STARD13: variants seen among roughly 807,000 people sequenced by gnomAD.
STARD13 encodes the protein StAR related lipid transfer domain containing 13.
A neutral mutation model predicts 106.4 loss-of-function variants in STARD13; 62 were observed. The observed-to-expected ratio is 0.58, with a 90% CI of 0.48 to 0.72. STARD13 has a LOEUF of 0.72. STARD13 is among the 30% of genes least tolerant of loss of function. The probability of loss-of-function intolerance (pLI) is 0.00; values close to 1 mark genes in which losing one functional copy is unlikely to be tolerated. For synonymous variants in STARD13, 565 were observed against 553.0 expected (o/e 1.02, Z -0.31); for missense variants, 1,387 against 1,424.0 (o/e 0.97, Z 0.42).
At chr13:33,639,418 A>G in the STARD13 span, among the ~76,000 whole-genome samples, 1 of 152,176 alleles carries the variant, frequency 6.6e-6, no homozygotes, top group Non-Finnish European at 1.5e-5. Context: ...TGTGAAGTTT[A>G]TTGTCTGCAG....
chr13:33,657,473 T>C, the STARD13 span: 3 of 152,034 alleles, frequency 2.0e-5, no homozygotes, highest in Non-Finnish European at 4.4e-5. Flanking sequence ...GCACAGGAGG[T>C]ATTACAGGCA....
chr13:33,475,170 G>T, the STARD13 span, among the ~76,000 whole-genome samples: 1 of 152,050 alleles, frequency 6.6e-6, no homozygotes, highest in African/African-American at 2.4e-5. Context: ...ACTGTGGAAT[G>T]GTTTTCATCT....
intron 4 of STARD13, among the ~76,000 whole-genome samples, chr13:33,141,222 G>A (rs1879784298): frequency 6.6e-6 from 1 of 152,228 alleles, no homozygotes; most frequent in South Asian, 2.1e-4. Flanking sequence ...AGGCTGTACA[G>A]CACTTTGGCT....
intron 4 of STARD13, among the ~76,000 whole-genome samples, chr13:33,133,720 T>C (rs1376751526): frequency 6.6e-6 from 1 of 152,190 alleles, no homozygotes; most frequent in African/African-American, 2.4e-5. Flanking sequence ...CTTTTTAATC[T>C]AGTTTAGCCT....
chr13:33,528,169 T>TTATATATATATATA, the STARD13 span, among the ~76,000 whole-genome samples: 12 of 129,050 alleles, frequency 9.3e-5, no homozygotes, highest in African/African-American at 3.5e-4. Flanking sequence ...TAAGCTAATA[T>TTATATATATATATA]TATATATATA....
chr13:33,618,881 A>G, the STARD13 span, among the ~76,000 whole-genome samples: 1 of 151,998 alleles, frequency 6.6e-6, no homozygotes, highest in East Asian at 1.9e-4. Context: ...CTCTCAGGGC[A>G]GGGTACTGAA....
At chr13:33,347,218 C>T (rs1248574796), downstream of STARD13, among the ~76,000 whole-genome samples, 1 of 152,066 alleles carries the variant, frequency 6.6e-6, no homozygotes, top group Non-Finnish European at 1.5e-5. Context: ...GCTTACAATG[C>T]CGTGTTTTTA....
rs1246534305 is a variant in STARD13, at chr13:33,285,384, C to A, written c.169+86G>T. On this transcript the variant is annotated intron_variant, in intron 1 of 13. Transcript: ENST00000336934. Reference sequence around the variant, plus strand: ...AAATCCATATGTTATAAAGTGGAAACAAACAAACAAAAAAAACTGGGTTAG... The same window carrying A: ...AAATCCATATGTTATAAAGTGGAAAAAAACAAACAAAAAAAACTGGGTTAG... 2.8e-6 allele frequency: 4 copies of A among 1,407,940 alleles called. No homozygotes were observed. In the African/African-American group the frequency reaches 5.8e-5, roughly 20 times the overall value. 87.2% of individuals were successfully genotyped at this position (1,407,940 alleles called of 1,614,324 possible). A position where few individuals can be genotyped will look rare whatever the true frequency, so the allele number is the denominator to read the frequency against.
chr13:33,408,322 C>G, the STARD13 span, among the ~76,000 whole-genome samples: 1 of 152,102 alleles, frequency 6.6e-6, no homozygotes, highest in East Asian at 1.9e-4. Flanking sequence ...TTCCTCTCCC[C>G]TCCAGCCCCT....
At chr13:33,449,421 G>A in the STARD13 span, among the ~76,000 whole-genome samples, 3 of 152,084 alleles carry the variant, frequency 2.0e-5, no homozygotes, top group Non-Finnish European at 4.4e-5. Flanking sequence ...GTAGATCCAT[G>A]GATTTATTTC....
chr13:33,431,387 A>G, the STARD13 span, among the ~76,000 whole-genome samples: 1 of 152,302 alleles, frequency 6.6e-6, no homozygotes, highest in South Asian at 2.1e-4. Context: ...GCTAAATAAA[A>G]TGTTATTAAA....
chr13:33,117,858 A>G, intron 8 of STARD13: 2 of 985,360 alleles, frequency 2.0e-6, no homozygotes, highest in Non-Finnish European at 2.4e-6. Context: ...GATGTCAAAA[A>G]GGTATTTTCA....
Position 33,127,530 on chromosome 13 carries a change from T to C in STARD13, c.1765A>G (p.Ser589Gly). The change falls in exon 6 of 14, where the codon AGT becomes GGT. Residue 589 changes from serine to glycine, a missense_variant. Ser to Gly is a moderately conservative substitution (Grantham distance 56). Coordinates refer to ENST00000336934, the MANE Select transcript of STARD13 (RefSeq NM_178006.4). Reference protein sequence around the residue: ...TRPNRRLRWNSFQLSHQPRPA... With the variant: ...TRPNRRLRWNGFQLSHQPRPA... ...CGGGGCTGGTGCGACAGCTGGAAACTGTTCCATCGGAGTCGCCTTTACCAG... is the reference window on the plus strand; with the variant it reads ...CGGGGCTGGTGCGACAGCTGGAAACCGTTCCATCGGAGTCGCCTTTACCAG... The C allele has an allele frequency of 6.4e-7, 1 of 1,552,802 alleles. No homozygotes were observed. The highest frequency in any genetic ancestry group is 8.6e-7 in the Non-Finnish European group (1 of 1,157,066).
chr13:33,383,858 G>A, the STARD13 span, among the ~76,000 whole-genome samples: 4 of 150,246 alleles, frequency 2.7e-5, no homozygotes, highest in Non-Finnish European at 5.9e-5. Context: ...TTTCTCCTTC[G>A]TGAGTTTGTT....
the STARD13 span, among the ~76,000 whole-genome samples, chr13:33,455,757 C>T: frequency 3.9e-5 from 6 of 151,930 alleles, no homozygotes; most frequent in Non-Finnish European, 5.9e-5. Context: ...GGAAAAACTC[C>T]GTCTCTACTA....
intron 1 of STARD13, among the ~76,000 whole-genome samples, chr13:33,270,687 C>T (rs1891115313): frequency 6.6e-6 from 1 of 152,200 alleles, no homozygotes; most frequent in Non-Finnish European, 1.5e-5. Context: ...GTCTCTCCCT[C>T]TACTGGGAAC....
chr13:33,621,719 C>T, the STARD13 span, among the ~76,000 whole-genome samples: 1 of 149,430 alleles, frequency 6.7e-6, no homozygotes, highest in East Asian at 1.9e-4. Flanking sequence ...ATCTGAGAAG[C>T]TTATATATAT....
chr13:33,218,172 T>C (rs1367639370), intron 1 of STARD13, among the ~76,000 whole-genome samples: 1 of 152,138 alleles, frequency 6.6e-6, no homozygotes, highest in African/African-American at 2.4e-5. Flanking sequence ...AGTTACCCTA[T>C]GGTTTAAGAG....
chr13:33,499,525 CTT>C, the STARD13 span, among the ~76,000 whole-genome samples: 3 of 36,172 alleles, frequency 8.3e-5, no homozygotes, highest in East Asian at 7.5e-4. Context: ...TTTCTTTCTT[CTT>C]CTTCTTCTTC....
Sources: allele counts gnomAD v4.1 joint callset (sites outside exome capture counted in the v4.1 genomes callset), GRCh38; gene constraint gnomAD v4.1.1; transcripts MANE v1.5; gene names NCBI Gene and HGNC (gene_info 2026-07-23, HGNC 2026-07-21).